The following DLC1 variants were observed in gnomAD, a reference collection of about 807,000 sequenced individuals.
The protein encoded by DLC1 is rho GTPase-activating protein 7.
A neutral mutation model predicts 140.3 loss-of-function variants in DLC1; 54 were observed. The ratio of observed to expected loss-of-function variants is 0.38; its 90% CI spans 0.31 to 0.48. The LOEUF is 0.48. Among genes scored for constraint, DLC1 ranks in the 20% least tolerant of loss-of-function variants. DLC1 has a pLI of 0.96. For missense variants in DLC1, 2,536 were observed against 1,907.0 expected (o/e 1.33, Z -6.14); for synonymous variants, 986 against 728.1 (o/e 1.35, Z -5.70).
intron 8 of DLC1, chr8:13,100,982 T>C: frequency 4.1e-6 from 2 of 484,988 alleles, no homozygotes; most frequent in Non-Finnish European, 6.7e-6. Flanking sequence ...TCTGAACTGC[T>C]GACCTCAAGT....
chr8:13,185,249 C>T (rs1826289329), intron 5 of DLC1, among the ~76,000 whole-genome samples: 1 of 146,678 alleles, frequency 6.8e-6, no homozygotes, highest in Non-Finnish European at 1.5e-5. Context: ...TGGGTCTTGA[C>T]TCTTTATCCA....
rs867240206 is a variant in DLC1 at position 13,598,665 on chromosome 8, C to G, written c.-126+5872G>C. 5.5e-4 allele frequency among the ~76,000 whole-genome samples: 84 copies of G among 152,034 alleles called. 1 individual carries two copies. The highest frequency in any genetic ancestry group is 1.8e-3 in the African/African-American group (74 of 41,514). On this transcript the variant is annotated intron_variant, in intron 1 of 1. Transcript: ENST00000631382. ...ATGCACTATTTTTTCTTACATAACT[C>G]AATATAATACTTACTATTATTGCAT...
At chr8:13,549,068 A>G (rs1803758330) in intron 1 of DLC1, among the ~76,000 whole-genome samples, 1 of 152,008 alleles carries the variant, frequency 6.6e-6, no homozygotes, top group South Asian at 2.1e-4. Context: ...AACTATATTA[A>G]AAGTCAGGAA....
At chr8:13,464,545 A>G (rs1047046264) in intron 2 of DLC1, among the ~76,000 whole-genome samples, 6 of 151,838 alleles carry the variant, frequency 4.0e-5, no homozygotes, top group African/African-American at 1.5e-4. Context: ...CATATATGTA[A>G]ATTATAACCC....
chr8:13,330,435 C>G (rs73663585), intron 4 of DLC1, among the ~76,000 whole-genome samples: 8,418 of 152,228 alleles, frequency 0.055, 509 homozygotes, highest in African/African-American at 0.15. Flanking sequence ...AAAGGTCTAC[C>G]TTGCTGAGCT....
chr8:13,348,597 G>A (rs1005504662), intron 4 of DLC1, among the ~76,000 whole-genome samples: 3 of 152,168 alleles, frequency 2.0e-5, no homozygotes, highest in Non-Finnish European at 4.4e-5. Flanking sequence ...AATAGGAATG[G>A]AGGGCATGGT....
At chr8:13,293,745 G>A (rs1422847265) in intron 5 of DLC1, among the ~76,000 whole-genome samples, 2 of 152,104 alleles carry the variant, frequency 1.3e-5, no homozygotes, top group African/African-American at 4.8e-5. Flanking sequence ...AGAGACCTGG[G>A]AAGACCACTT....
intron 4 of DLC1, among the ~76,000 whole-genome samples, chr8:13,393,243 G>A (rs933142076): frequency 6.6e-6 from 1 of 152,018 alleles, no homozygotes; most frequent in African/African-American, 2.4e-5. Flanking sequence ...AGATAATAGT[G>A]TAGGGAAAGG....
chr8:13,567,518 T>A (rs916625118), intron 1 of DLC1: 2 of 1,551,800 alleles, frequency 1.3e-6, no homozygotes, highest in African/African-American at 2.7e-5. Context: ...TTGAACAGAA[T>A]CTACTTTAAA....
At chr8:13,443,087 A>G (rs1254255778) in intron 2 of DLC1, among the ~76,000 whole-genome samples, 2 of 151,892 alleles carry the variant, frequency 1.3e-5, no homozygotes, top group African/African-American at 4.8e-5. Flanking sequence ...CATCATTCTC[A>G]GCAAACTATC....
rs370871991 is a variant in DLC1 at position 13,086,062 on chromosome 8, G to A, written c.4467-131C>T. On this transcript the variant is annotated intron_variant, in intron 17 of 17. Coordinates refer to ENST00000276297, the MANE Select transcript of DLC1 (RefSeq NM_182643.3). ...TTCCCATGCCTTTGAATTCATGGCC[G>A]AGCTACCATATTTGCTTTGCTTTAG... 108 of 1,422,460 alleles carry A rather than the reference G, an allele frequency of 7.6e-5. No individual in the cohort carries two copies. In the Admixed American group the frequency reaches 8.7e-4, roughly 11 times the overall value. 88.1% of individuals were successfully genotyped at this position (1,422,460 alleles called of 1,614,324 possible).
chr8:13,457,788 T>G (rs1799478049), intron 2 of DLC1, among the ~76,000 whole-genome samples: 1 of 150,920 alleles, frequency 6.6e-6, no homozygotes, highest in African/African-American at 2.4e-5. Flanking sequence ...TTCCCGATGA[T>G]CCCTGCCCCA....
intron 5 of DLC1, among the ~76,000 whole-genome samples, chr8:13,186,526 G>C (rs1440729771): frequency 6.6e-6 from 1 of 152,072 alleles, no homozygotes; most frequent in African/African-American, 2.4e-5. Context: ...TCTCTACACT[G>C]TTTATTCTAG....
chr8:13,317,830 CAA>C (rs1220498612), intron 4 of DLC1, among the ~76,000 whole-genome samples: 3 of 152,156 alleles, frequency 2.0e-5, no homozygotes, highest in Non-Finnish European at 2.9e-5. Flanking sequence ...AAGTTGTAGT[CAA>C]GAGTCCAGTT....
At chr8:13,394,911 G>A (rs1373582095) in intron 3 of DLC1, among the ~76,000 whole-genome samples, 2 of 151,838 alleles carry the variant, frequency 1.3e-5, no homozygotes, top group African/African-American at 2.4e-5. Context: ...AGAAGCATCC[G>A]TTGACATTTC....
chr8:13,183,776 T>C (rs902210557), intron 5 of DLC1, among the ~76,000 whole-genome samples: 4 of 152,202 alleles, frequency 2.6e-5, no homozygotes, highest in Admixed American at 2.6e-4. Flanking sequence ...TCTAAAATTC[T>C]CTTTTTTTGT....
rs753265723 is a variant in DLC1, at chr8:13,100,162, G to A, written c.2175C>T (p.Asn725=). 1.9e-6 allele frequency: 3 copies of A among 1,614,006 alleles called. No individual in the cohort carries two copies. The highest frequency in any genetic ancestry group is 2.5e-6 in the Non-Finnish European group (3 of 1,180,024). The change falls in exon 9 of 18, where the codon AAC becomes AAT. Residue 725 remains asparagine (N), a synonymous_variant. Transcript: ENST00000276297. ...EISALNGNRI[N]VPMVRKRSVS... is the part of the protein sequence containing the mutation. ...CGCTCCTCTTTCGTACCATGGGGAC[G>A]TTGATGCGGTTGCCATTGAGGGCGG... is the stretch of plus-strand genomic sequence containing the variant.
chr8:13,431,142 G>T (rs1838843046), intron 2 of DLC1, among the ~76,000 whole-genome samples: 1 of 152,100 alleles, frequency 6.6e-6, no homozygotes, highest in African/African-American at 2.4e-5. Flanking sequence ...ATGTATTGGT[G>T]ACATAACTGA....
chr8:13,364,638 T>C (rs1835396386), intron 4 of DLC1, among the ~76,000 whole-genome samples: 1 of 152,162 alleles, frequency 6.6e-6, no homozygotes, highest in Non-Finnish European at 1.5e-5. Context: ...TTACTGACCC[T>C]ACATACTGGT....
Sources: gnomAD v4.1 joint callset for allele counts (sites outside exome capture counted in the v4.1 genomes callset) on GRCh38, gnomAD v4.1.1 for gene constraint, MANE v1.5 for transcripts, NCBI Gene and HGNC (gene_info 2026-07-23, HGNC 2026-07-21) for gene names.